Variants in ADSS2 observed in about 807,000 individuals in gnomAD.
ADSS2 encodes adenylosuccinate synthetase isozyme 2.
ADSS2 carries 30 observed loss-of-function variants against 60.0 expected under a neutral mutation model. That is an observed-to-expected ratio of 0.50 (90% CI 0.37 to 0.68). The LOEUF is 0.68. Among genes scored for constraint, ADSS2 ranks in the 30% least tolerant of loss-of-function variants. The probability of loss-of-function intolerance (pLI) is 0.00; values close to 1 mark genes in which losing one functional copy is unlikely to be tolerated. For synonymous variants in ADSS2, 187 were observed against 193.1 expected, an observed-to-expected ratio of 0.97 and a Z score of 0.26; for missense variants, 373 against 554.8, an observed-to-expected ratio of 0.67 and a Z score of 3.29.
intron 11 of ADSS2, among the ~76,000 whole-genome samples, chr1:244,415,448 T>G (rs1459422229): frequency 6.6e-6 from 1 of 152,218 alleles, no homozygotes; most frequent in Non-Finnish European, 1.5e-5. Flanking sequence ...AGTCATAAGG[T>G]AGTCACAAAA....
rs80095085 is a variant in ADSS2 at position 244,435,965 on chromosome 1, T to C, written c.355+860A>G. ...AGTTGGCACATCCAGCTAGTACACA[T>C]GCCACTTTATTGCCCTCTGTGGGAA... On this transcript the variant is annotated intron_variant, in intron 3 of 12. Coordinates refer to ENST00000366535, the MANE Select transcript of ADSS2 (RefSeq NM_001126.5). Among the ~76,000 whole-genome samples the C allele has an allele frequency of 7.1e-3, 1,076 of 152,308 alleles. 14 individuals carry two copies. Among genetic ancestry groups the C allele is most frequent in the African/African-American group, 0.025 (1,034 of 41,560 alleles).
intron 4 of ADSS2, among the ~76,000 whole-genome samples, chr1:244,431,976 A>T (rs1303307355): frequency 6.6e-6 from 1 of 152,230 alleles, no homozygotes. Context: ...GATCAATCAC[A>T]GAGAAGTTTC....
intron 1 of ADSS2, among the ~76,000 whole-genome samples, chr1:244,443,002 AGGGCAGAT>A (rs1665285358): frequency 2.0e-5 from 3 of 152,232 alleles, no homozygotes; most frequent in Admixed American, 2.0e-4. Flanking sequence ...ATGTATTAGA[AGGGCAGAT>A]GGAGCTGCTC....
At chr1:244,436,979 T>C (rs1665118045) in intron 2 of ADSS2, 86 bp from the exon 3 acceptor site, 2 of 1,113,516 alleles carry the variant, frequency 1.8e-6, no homozygotes, top group Non-Finnish European at 2.6e-6. Flanking sequence ...TACCACGGTG[T>C]TACCACAGAA....
At chr1:244,443,797 C>T (rs963053991) in intron 1 of ADSS2, among the ~76,000 whole-genome samples, 3 of 152,198 alleles carry the variant, frequency 2.0e-5, no homozygotes, top group African/African-American at 4.8e-5. Flanking sequence ...GGTTTAGTGG[C>T]TCCTCACAAG....
intron 4 of ADSS2, 106 bp from the exon 5 acceptor site, chr1:244,424,493 A>C: frequency 1.2e-6 from 1 of 845,762 alleles, no homozygotes; most frequent in East Asian, 2.7e-5. Context: ...GCCTCATTTC[A>C]GTATAATAAA....
chr1:244,426,143 T>TTC, intron 4 of ADSS2, among the ~76,000 whole-genome samples: 1 of 152,296 alleles, frequency 6.6e-6, no homozygotes, highest in Non-Finnish European at 1.5e-5. Context: ...GCCAGAATAG[T>TTC]TCTGAAGGGC....
intron 11 of ADSS2, among the ~76,000 whole-genome samples, chr1:244,413,660 T>C (rs61843973): frequency 6.0e-4 from 92 of 152,204 alleles, no homozygotes; most frequent in Middle Eastern, 3.4e-3. Flanking sequence ...CAGAAGTCCA[T>C]GTGAGAGTCC....
rs1046943182 is a variant in ADSS2, at chr1:244,451,455, G to A, written c.183+180C>T. Among the ~76,000 whole-genome samples the A allele has an allele frequency of 6.6e-6, 1 of 152,190 alleles. No individual in the cohort carries two copies. Among genetic ancestry groups the A allele is most frequent in the East Asian group, 1.9e-4 (1 of 5,194 alleles). ...TTTCACCCGACGCTCCAGGTCAGGG[G>A]TCCCCGACCTCCCGCCATTTCTCCA... On this transcript the variant is annotated intron_variant, in intron 1 of 12. Coordinates refer to ENST00000366535, the MANE Select transcript of ADSS2 (RefSeq NM_001126.5). The surrounding 1 kb of genome is among the most constrained non-coding windows in gnomAD (Gnocchi z 6.6).
chr1:244,451,588 C>A lies in ADSS2; in HGVS notation c.183+47G>T. 2.6e-6 allele frequency: 4 copies of A among 1,555,456 alleles called. No individual in the cohort carries two copies. Among genetic ancestry groups the A allele is most frequent in the South Asian group, 1.2e-5 (1 of 84,532 alleles). ...TTCCCGGGCACCAGGAGCCAGGCAG[C>A]CCGAGCTCCCGGGCCCGGCTTCCCA... On this transcript the variant is annotated intron_variant, in intron 1 of 12. Transcript: ENST00000366535. The surrounding 1 kb of genome is among the most constrained non-coding windows in gnomAD (Gnocchi z 6.6).
At chr1:244,439,035 C>G (rs898896480) in intron 1 of ADSS2, among the ~76,000 whole-genome samples, 2 of 152,092 alleles carry the variant, frequency 1.3e-5, no homozygotes, top group Admixed American at 6.6e-5. Context: ...ACCCCATACC[C>G]CACTCTTACC....
intron 4 of ADSS2, chr1:244,424,631 G>T: frequency 3.5e-6 from 1 of 287,238 alleles, no homozygotes; most frequent in Non-Finnish European, 6.5e-6. Flanking sequence ...TCATTAAGAG[G>T]GTAATTTTGA....
intron 6 of ADSS2, among the ~76,000 whole-genome samples, chr1:244,423,473 G>C (rs1399150892): frequency 1.3e-5 from 2 of 152,152 alleles, no homozygotes; most frequent in Non-Finnish European, 2.9e-5. Flanking sequence ...GTTTCCCAAG[G>C]AGATCTGGCT....
Position 244,443,042 on chromosome 1 carries a change from T to C in ADSS2, c.184-5274A>G, listed in dbSNP as rs556860453. On this transcript the variant is annotated intron_variant, in intron 1 of 12. Transcript: ENST00000366535. Reference sequence around the variant, plus strand: ...GCTCCTACATGGGCCCATGGGCAACTCTGTGTAATATGTGCCAGGATGAGC... The same window carrying C: ...GCTCCTACATGGGCCCATGGGCAACCCTGTGTAATATGTGCCAGGATGAGC... 1.8e-3 allele frequency among the ~76,000 whole-genome samples: 269 copies of C among 152,298 alleles called. 3 individuals carry two copies. Among genetic ancestry groups the C allele is most frequent in the African/African-American group, 6.3e-3 (262 of 41,568 alleles).
At chr1:244,441,060 CTTT>C (rs557199255) in intron 1 of ADSS2, among the ~76,000 whole-genome samples, 1 of 137,958 alleles carries the variant, frequency 7.2e-6, no homozygotes, top group African/African-American at 2.6e-5. Flanking sequence ...TTAACTTAGT[CTTT>C]TTTTTTTTTT....
rs1665138097 is a variant in ADSS2 at position 244,437,659 on chromosome 1, T to C, written c.286+7A>G. 3.2e-6 allele frequency: 5 copies of C among 1,551,586 alleles called. No homozygotes were observed. The South Asian group carries it at 3.3e-5, about 10-fold the overall frequency. ...GAATCTCCATGCAGTTCAGTTTATA[T>C]ACTTACCAATGAATGCAGTGACATT... is the stretch of plus-strand genomic sequence containing the variant. On this transcript the variant is annotated splice_region_variant and intron_variant, in intron 2 of 12. Transcript: ENST00000366535.
chr1:244,448,962 C>T (rs529701118), intron 1 of ADSS2, among the ~76,000 whole-genome samples: 4 of 152,250 alleles, frequency 2.6e-5, no homozygotes, highest in Admixed American at 2.6e-4. Context: ...GACCTGTACC[C>T]AGGGTTGGGC....
chr1:244,448,864 C>A (rs1010365180), intron 1 of ADSS2, among the ~76,000 whole-genome samples: 6 of 152,158 alleles, frequency 3.9e-5, no homozygotes, highest in African/African-American at 1.4e-4. Flanking sequence ...ATTGTGAGCT[C>A]CTTGTGGGCA....
At chr1:244,444,853 C>T (rs930529444) in intron 1 of ADSS2, among the ~76,000 whole-genome samples, 8 of 152,104 alleles carry the variant, frequency 5.3e-5, no homozygotes, top group African/African-American at 1.9e-4. Flanking sequence ...TGAGAACAAT[C>T]CAGAACAAAT....
Sources: allele counts gnomAD v4.1 joint callset (sites outside exome capture counted in the v4.1 genomes callset), GRCh38; gene constraint gnomAD v4.1.1; non-coding constraint Gnocchi (gnomAD v3.1); transcripts MANE v1.5; gene names NCBI Gene and HGNC (gene_info 2026-07-23, HGNC 2026-07-21).